The following PTPRK variants were observed in gnomAD, a reference collection of about 807,000 sequenced individuals.
PTPRK encodes the protein protein tyrosine phosphatase receptor type K, also known as receptor-type tyrosine-protein phosphatase kappa.
PTPRK carries 75 observed loss-of-function variants against 178.0 expected under a neutral mutation model. The ratio of observed to expected loss-of-function variants is 0.42; its 90% CI spans 0.35 to 0.51. PTPRK has a LOEUF of 0.51. PTPRK is among the 20% of genes least tolerant of loss of function. The probability of loss-of-function intolerance (pLI) is 0.02; values close to 1 mark genes in which losing one functional copy is unlikely to be tolerated. For missense variants in PTPRK, 1,441 were observed against 1,797.8 expected (o/e 0.80, Z 3.59); for synonymous variants, 637 against 620.6 (o/e 1.03, Z -0.39).
chr6:128,080,171 G>A (rs1183679033), intron 10 of PTPRK, among the ~76,000 whole-genome samples: 1 of 151,950 alleles, frequency 6.6e-6, no homozygotes, highest in East Asian at 1.9e-4. Context: ...GAGAAAGGAA[G>A]CAGAATATCT....
intron 1 of PTPRK, among the ~76,000 whole-genome samples, chr6:128,458,419 T>C (rs1007684057): frequency 6.6e-6 from 1 of 152,308 alleles, no homozygotes; most frequent in African/African-American, 2.4e-5. Context: ...ATACAGAATA[T>C]ATGGAAGATA....
intron 5 of PTPRK, among the ~76,000 whole-genome samples, chr6:128,229,556 G>T (rs2128278289): frequency 6.6e-6 from 1 of 152,130 alleles, no homozygotes; most frequent in Non-Finnish European, 1.5e-5. Context: ...GGACATCATT[G>T]AAAAATGACT....
rs1378887392 is a variant in PTPRK, at chr6:128,166,598, T to G, written c.1162+17834A>C. Reference sequence around the variant, plus strand: ...AAATACTGTAGTAATTGATACAGATTTTGCTTTTATTACTAGTACATTTAG... The same window carrying G: ...AAATACTGTAGTAATTGATACAGATGTTGCTTTTATTACTAGTACATTTAG... On this transcript the variant is annotated intron_variant, in intron 7 of 29. Coordinates refer to ENST00000368226, the MANE Select transcript of PTPRK (RefSeq NM_002844.4). 2.0e-5 allele frequency among the ~76,000 whole-genome samples: 3 copies of G among 151,848 alleles called. No homozygotes were observed. The East Asian group carries it at 5.8e-4, about 29-fold the overall frequency.
At chr6:128,134,049 TG>T (rs1452589002) in intron 7 of PTPRK, among the ~76,000 whole-genome samples, 1 of 152,300 alleles carries the variant, frequency 6.6e-6, no homozygotes, top group East Asian at 1.9e-4. Context: ...TGGCCCTAAG[TG>T]GGTCTAATAA....
At chr6:128,114,901 T>A (rs1207280990) in intron 7 of PTPRK, among the ~76,000 whole-genome samples, 1 of 152,046 alleles carries the variant, frequency 6.6e-6, no homozygotes, top group East Asian at 1.9e-4. Context: ...TTATGTCAAC[T>A]TGTGCTATAT....
intron 3 of PTPRK, among the ~76,000 whole-genome samples, chr6:128,257,060 G>A (rs925138503): frequency 7.9e-5 from 12 of 151,736 alleles, no homozygotes; most frequent in Middle Eastern, 3.4e-3. Flanking sequence ...GAGAAACCCC[G>A]TCTCTACTAA....
chr6:128,017,802 G>GTATATATATATATATATATATATATATA, intron 13 of PTPRK, among the ~76,000 whole-genome samples: 1 of 101,260 alleles, frequency 9.9e-6, no homozygotes, highest in African/African-American at 3.3e-5. Flanking sequence ...ATATATATGT[G>GTATATATATATATATATATATATATATA]TATATATATA....
At chr6:128,269,310 G>A (rs370423571) in intron 3 of PTPRK, among the ~76,000 whole-genome samples, 8 of 151,916 alleles carry the variant, frequency 5.3e-5, no homozygotes, top group Admixed American at 2.0e-4. Flanking sequence ...GCAGGGCAAT[G>A]GGTAACAAAG....
At chr6:128,495,805 C>T (rs1854573706) in intron 1 of PTPRK, among the ~76,000 whole-genome samples, 1 of 152,206 alleles carries the variant, frequency 6.6e-6, no homozygotes, top group Admixed American at 6.5e-5. Context: ...GCCACTCTCA[C>T]CAGACTCTCC....
intron 3 of PTPRK, among the ~76,000 whole-genome samples, chr6:128,296,140 C>A (rs1416760085): frequency 6.6e-6 from 1 of 152,048 alleles, no homozygotes; most frequent in Non-Finnish European, 1.5e-5. Flanking sequence ...TCCTCTTTCT[C>A]CTCTCCCCTT....
chr6:127,987,827 T>A (rs2114650108), intron 21 of PTPRK, among the ~76,000 whole-genome samples: 1 of 152,274 alleles, frequency 6.6e-6, no homozygotes, highest in Admixed American at 6.5e-5. Context: ...TGAATAGTCG[T>A]TAGTTCTTCA....
At chr6:128,038,647 A>G (rs1294248851) in intron 13 of PTPRK, among the ~76,000 whole-genome samples, 1 of 152,198 alleles carries the variant, frequency 6.6e-6, no homozygotes, top group Non-Finnish European at 1.5e-5. Flanking sequence ...CAGGACCACT[A>G]TGCACTTAAA....
At chr6:128,266,658 A>C (rs553339913) in intron 3 of PTPRK, among the ~76,000 whole-genome samples, 4 of 152,218 alleles carry the variant, frequency 2.6e-5, no homozygotes, top group Admixed American at 1.3e-4. Flanking sequence ...CAACATGTCC[A>C]AAAGTGCAGG....
intron 1 of PTPRK, among the ~76,000 whole-genome samples, chr6:128,497,244 G>GA (rs1240110800): frequency 6.6e-6 from 1 of 151,902 alleles, no homozygotes; most frequent in East Asian, 1.9e-4. Context: ...GGAAGAGGAG[G>GA]AAAAAAATAA....
rs566298883 is a variant in PTPRK at position 128,424,972 on chromosome 6, T to A, written c.101-27284A>T. Among the ~76,000 whole-genome samples the A allele has an allele frequency of 5.5e-3, 833 of 152,214 alleles. 15 individuals carry two copies. The highest frequency in any genetic ancestry group is 0.019 in the African/African-American group (789 of 41,544). The stretch of plus-strand genomic sequence containing the variant: ...TTTTTTTTTTATTTCAATAGGTTTT[T>A]GGGGAATAGGTGGTGTTTGATTACA... On this transcript the variant is annotated intron_variant, in intron 1 of 29. Coordinates refer to ENST00000368226, the MANE Select transcript of PTPRK (RefSeq NM_002844.4).
intron 1 of PTPRK, among the ~76,000 whole-genome samples, chr6:128,458,455 T>G (rs1339442527): frequency 6.6e-6 from 1 of 152,212 alleles, no homozygotes; most frequent in Non-Finnish European, 1.5e-5. Flanking sequence ...ATTTAAAATA[T>G]ACTCTAAGAA....
chr6:128,006,946 T>C (rs1202454445), intron 14 of PTPRK, among the ~76,000 whole-genome samples: 1 of 150,904 alleles, frequency 6.6e-6, no homozygotes, highest in Non-Finnish European at 1.5e-5. Context: ...ATAAGAAATA[T>C]ATCTACATGT....
chr6:128,081,371 C>T (rs1784787534), intron 10 of PTPRK, among the ~76,000 whole-genome samples: 1 of 151,826 alleles, frequency 6.6e-6, no homozygotes, highest in South Asian at 2.1e-4. Context: ...AATTATAGCT[C>T]ATAATGGAAT....
At chr6:128,044,430 A>G (rs1777708152) in intron 13 of PTPRK, among the ~76,000 whole-genome samples, 1 of 152,028 alleles carries the variant, frequency 6.6e-6, no homozygotes, top group Non-Finnish European at 1.5e-5. Flanking sequence ...GAGTATCCAG[A>G]GTGATCCTTA....
Sources: gnomAD v4.1 joint callset for allele counts (sites outside exome capture counted in the v4.1 genomes callset) on GRCh38, gnomAD v4.1.1 for gene constraint, MANE v1.5 for transcripts, NCBI Gene and HGNC (gene_info 2026-07-23, HGNC 2026-07-21) for gene names.